NAALADL2: variants seen among roughly 807,000 people sequenced by gnomAD.
The protein encoded by NAALADL2 is inactive N-acetylated-alpha-linked acidic dipeptidase-like protein 2.
A neutral mutation model predicts 87.2 loss-of-function variants in NAALADL2; 76 were observed. The ratio of observed to expected loss-of-function variants is 0.87; its 90% confidence interval spans 0.72 to 1.05. The LOEUF (loss-of-function observed/expected upper bound fraction) is 1.05. NAALADL2 is among the 50% of genes least tolerant of loss of function. NAALADL2 has a pLI of 0.00. For synonymous variants in NAALADL2, 354 were observed against 331.0 expected, an observed-to-expected ratio of 1.07 and a Z score of -0.75; for missense variants, 1,089 against 945.8, an observed-to-expected ratio of 1.15 and a Z score of -1.99.
chr3:174,701,856 A>G (rs1431448522), intron 2 of NAALADL2, among the ~76,000 whole-genome samples: 2 of 152,100 alleles, frequency 1.3e-5, no homozygotes, highest in Admixed American at 6.6e-5. Context: ...GGACATTTGG[A>G]TTGTTTTCAG....
intron 8 of NAALADL2, among the ~76,000 whole-genome samples, 184 bp downstream of exon 8, chr3:175,467,368 ATGACCTTC>A (rs1724237129): frequency 6.7e-6 from 1 of 148,214 alleles, no homozygotes; most frequent in African/African-American, 2.6e-5. Context: ...CAAACTACGT[ATGACCTTC>A]AAATATCTTA....
At chr3:174,894,874 G>A (rs192133802) in intron 1 of NAALADL2, among the ~76,000 whole-genome samples, 4 of 152,066 alleles carry the variant, frequency 2.6e-5, no homozygotes, top group Admixed American at 1.3e-4. Flanking sequence ...GAAATAACAA[G>A]AGGAGTTTCA....
chr3:174,662,730 T>C (rs754450801), intron 2 of NAALADL2, among the ~76,000 whole-genome samples: 1 of 152,218 alleles, frequency 6.6e-6, no homozygotes, highest in Non-Finnish European at 1.5e-5. Context: ...GGCTATGATA[T>C]TCTTGTTATA....
chr3:175,106,920 C>T (rs1050381263), intron 2 of NAALADL2, among the ~76,000 whole-genome samples: 3 of 150,400 alleles, frequency 2.0e-5, no homozygotes, highest in Non-Finnish European at 4.4e-5. Flanking sequence ...GCAAAAGTAT[C>T]GAATCAATTA....
intron 5 of NAALADL2, among the ~76,000 whole-genome samples, chr3:175,409,279 TA>T (rs59484298): frequency 0.22 from 32,904 of 150,952 alleles, 4,763 homozygotes; most frequent in African/African-American, 0.41. Flanking sequence ...CTTGTTACTT[TA>T]AAAAAAAAGA....
intron 5 of NAALADL2, among the ~76,000 whole-genome samples, chr3:175,360,345 T>C (rs1764845716): frequency 6.6e-6 from 1 of 152,164 alleles, no homozygotes; most frequent in African/African-American, 2.4e-5. Flanking sequence ...CCTACAAATA[T>C]ATCAGATGTT....
At chr3:175,078,003 T>A (rs1716951024) in intron 1 of NAALADL2, among the ~76,000 whole-genome samples, 1 of 151,402 alleles carries the variant, frequency 6.6e-6, no homozygotes, top group South Asian at 2.1e-4. Flanking sequence ...ATGAAGGAGT[T>A]CGGTTTTGTT....
At chr3:175,654,732 G>A (rs1731217845) in intron 11 of NAALADL2, among the ~76,000 whole-genome samples, 1 of 152,068 alleles carries the variant, frequency 6.6e-6, no homozygotes, top group African/African-American at 2.4e-5. Context: ...ATTTGTGAAT[G>A]GCAGGCAAAT....
intron 12 of NAALADL2, among the ~76,000 whole-genome samples, chr3:175,748,655 C>T (rs1224214863): frequency 6.6e-6 from 1 of 152,118 alleles, no homozygotes; most frequent in East Asian, 1.9e-4. Flanking sequence ...ATGACCAGTA[C>T]ATTTCACTTT....
intron 1 of NAALADL2, among the ~76,000 whole-genome samples, chr3:174,547,411 C>T (rs534482573): frequency 6.6e-6 from 1 of 152,060 alleles, no homozygotes; most frequent in African/African-American, 2.4e-5. Flanking sequence ...TTATAGTGTC[C>T]TGTGTGGGAT....
At chr3:174,492,141 G>T (rs560173333) in intron 1 of NAALADL2, among the ~76,000 whole-genome samples, 1 of 151,866 alleles carries the variant, frequency 6.6e-6, no homozygotes, top group Non-Finnish European at 1.5e-5. Context: ...GTGGTGGCGG[G>T]TGCCTGTAAT....
At chr3:175,499,995 A>G (rs1729322821) in intron 9 of NAALADL2, among the ~76,000 whole-genome samples, 1 of 152,088 alleles carries the variant, frequency 6.6e-6, no homozygotes, top group Non-Finnish European at 1.5e-5. Flanking sequence ...GTCAATATTG[A>G]CATCTATATT....
At chr3:175,423,817 T>G (rs1447834410) in intron 5 of NAALADL2, among the ~76,000 whole-genome samples, 1 of 152,164 alleles carries the variant, frequency 6.6e-6, no homozygotes, top group Non-Finnish European at 1.5e-5. Flanking sequence ...TATTTCTAGT[T>G]CTAGATCCCT....
At chr3:174,646,836 C>T (rs549258364) in intron 2 of NAALADL2, among the ~76,000 whole-genome samples, 11 of 151,252 alleles carry the variant, frequency 7.3e-5, no homozygotes, top group Non-Finnish European at 1.6e-4. Context: ...AGTAACATGA[C>T]CTTATTTTTT....
chr3:175,559,399 A>T (rs1715890857), intron 9 of NAALADL2, among the ~76,000 whole-genome samples: 1 of 147,628 alleles, frequency 6.8e-6, no homozygotes, highest in Admixed American at 7.0e-5. Context: ...GGATAATTTG[A>T]CTTCCTCTTT....
chr3:175,518,720 T>G (rs1732227223), intron 9 of NAALADL2, among the ~76,000 whole-genome samples: 1 of 152,120 alleles, frequency 6.6e-6, no homozygotes, highest in African/African-American at 2.4e-5. Flanking sequence ...GATAACCCAT[T>G]CATCTATTAA....
At chr3:175,208,109 T>C (rs1377994676) in intron 2 of NAALADL2, among the ~76,000 whole-genome samples, 1 of 152,142 alleles carries the variant, frequency 6.6e-6, no homozygotes, top group Non-Finnish European at 1.5e-5. Context: ...TGTTCCTCCA[T>C]CTGACTGTTC....
chr3:175,146,822 C>CTT (rs11410688), intron 2 of NAALADL2, among the ~76,000 whole-genome samples: 4 of 151,228 alleles, frequency 2.6e-5, no homozygotes, highest in African/African-American at 4.8e-5. Flanking sequence ...GGGAAGGTAG[C>CTT]TTTTTTTTTA....
intron 1 of NAALADL2, among the ~76,000 whole-genome samples, chr3:174,952,686 T>C (rs1216944420): frequency 6.6e-6 from 1 of 152,044 alleles, no homozygotes; most frequent in East Asian, 1.9e-4. Flanking sequence ...TTGTAACCCA[T>C]GGAAATTAAT....
Sources: allele counts gnomAD v4.1 joint callset (sites outside exome capture counted in the v4.1 genomes callset), GRCh38; gene constraint gnomAD v4.1.1; transcripts MANE v1.5; gene names NCBI Gene and HGNC (gene_info 2026-07-23, HGNC 2026-07-21).